The following SPARCL1 variants were observed in gnomAD, a reference collection of about 807,000 sequenced individuals.
The protein encoded by SPARCL1 is SPARC like 1.
Under a neutral mutation model 67.1 loss-of-function variants are expected in SPARCL1, and 52 were observed. That is an observed-to-expected ratio of 0.78 (90% CI 0.62 to 0.98). The LOEUF (loss-of-function observed/expected upper bound fraction) is 0.98. Among genes scored for constraint, SPARCL1 ranks in the 50% least tolerant of loss-of-function variants. The pLI, the probability that SPARCL1 is intolerant of heterozygous loss-of-function variation, is 0.00. For missense variants in SPARCL1, 717 were observed against 782.4 expected, an observed-to-expected ratio of 0.92 and a Z score of 1.00; for synonymous variants, 226 against 267.8, an observed-to-expected ratio of 0.84 and a Z score of 1.52.
At chr4:87,511,786 T>C (rs1327437721) in intron 1 of SPARCL1, among the ~76,000 whole-genome samples, 3 of 151,910 alleles carry the variant, frequency 2.0e-5, no homozygotes, top group East Asian at 1.9e-4. Context: ...CCTGCAGTGA[T>C]TGGAGAATGA....
chr4:87,522,331 C>A (rs1725850891), intron 1 of SPARCL1, among the ~76,000 whole-genome samples: 1 of 151,946 alleles, frequency 6.6e-6, no homozygotes, highest in South Asian at 2.1e-4. Context: ...AACCTACCAC[C>A]ATAAGAGTCT....
chr4:87,505,997 G>C (rs1031826526), intron 1 of SPARCL1, among the ~76,000 whole-genome samples: 2 of 152,220 alleles, frequency 1.3e-5, no homozygotes, highest in Admixed American at 6.5e-5. Context: ...GTTGTGGGGG[G>C]CTGTCCTGTG....
chr4:87,495,236 A>G, intron 2 of SPARCL1, 109 bp from the exon 3 acceptor site: 2 of 875,560 alleles, frequency 2.3e-6, no homozygotes, highest in South Asian at 1.6e-5. Context: ...CTTCATTTAT[A>G]CCAACAATTT....
At chr4:87,506,664 C>T (rs1175403539) in intron 1 of SPARCL1, among the ~76,000 whole-genome samples, 1 of 152,182 alleles carries the variant, frequency 6.6e-6, no homozygotes, top group Non-Finnish European at 1.5e-5. Flanking sequence ...GGTCTTCAGA[C>T]TTGAACGGGA....
At chr4:87,497,496 T>C (rs1724668873) in intron 2 of SPARCL1, among the ~76,000 whole-genome samples, 1 of 152,238 alleles carries the variant, frequency 6.6e-6, no homozygotes, top group Non-Finnish European at 1.5e-5. Flanking sequence ...CAATTGAAAT[T>C]ATGTTTTATC....
At position 87,507,229 on chromosome 4, in the gene SPARCL1, G is replaced by A. The variant is rs117176719; in HGVS notation, c.-11-7644C>T. ...TTCTTACAAATGGTACAACTTAAAA[G>A]GGGAGTAAGAATTATCAAACGTGTT... On this transcript the variant is annotated intron_variant, in intron 1 of 10. Coordinates refer to ENST00000282470, the MANE Select transcript of SPARCL1 (RefSeq NM_004684.6). 1.5e-4 allele frequency among the ~76,000 whole-genome samples: 23 copies of A among 152,280 alleles called. 1 individual carries two copies. The East Asian group carries it at 4.2e-3, about 28-fold the overall frequency.
intron 10 of SPARCL1, among the ~76,000 whole-genome samples, chr4:87,474,572 T>C (rs927849718): frequency 6.6e-6 from 1 of 152,204 alleles, no homozygotes; most frequent in African/African-American, 2.4e-5. Flanking sequence ...TCAAGATCTC[T>C]TCTGACCTTC....
chr4:87,525,379 T>C (rs993401207), intron 1 of SPARCL1, among the ~76,000 whole-genome samples: 2 of 152,238 alleles, frequency 1.3e-5, no homozygotes, highest in East Asian at 1.9e-4. Flanking sequence ...ACAGAATGGA[T>C]TAGATTAAAA....
intron 1 of SPARCL1, among the ~76,000 whole-genome samples, chr4:87,500,192 C>T (rs1158209819): frequency 6.6e-6 from 1 of 152,156 alleles, no homozygotes; most frequent in African/African-American, 2.4e-5. Flanking sequence ...ACCATCTGAC[C>T]TCTTAGCAAC....
intron 6 of SPARCL1, 87 bp from the exon 7 acceptor site, chr4:87,490,480 C>T: frequency 7.0e-7 from 1 of 1,432,908 alleles, no homozygotes; most frequent in Non-Finnish European, 9.4e-7. Context: ...ATGCTGATAA[C>T]AGCGCTGTGC....
At chr4:87,504,185 T>A (rs1008142600) in intron 1 of SPARCL1, among the ~76,000 whole-genome samples, 1 of 19,066 alleles carries the variant, frequency 5.2e-5, no homozygotes, top group Non-Finnish European at 8.6e-5. Context: ...GTGTGTGTGG[T>A]GGGGTGGGGG....
At chr4:87,477,475 A>G (rs1723628078) in intron 10 of SPARCL1, among the ~76,000 whole-genome samples, 1 of 152,204 alleles carries the variant, frequency 6.6e-6, no homozygotes, top group South Asian at 2.1e-4. Context: ...AGTGTGACCA[A>G]TAGAATGAGG....
Position 87,523,128 on chromosome 4 carries a change from G to T in SPARCL1, c.-12+5917C>A, listed in dbSNP as rs561971625. Among the ~76,000 whole-genome samples the T allele has an allele frequency of 2.0e-5, 3 of 152,192 alleles. No individual in the cohort carries two copies. In the East Asian group the frequency reaches 5.8e-4, roughly 29 times the overall value. On this transcript the variant is annotated intron_variant, in intron 1 of 10. Transcript: ENST00000282470. ...TACAAAAAATTAGCCAGGCGTGGTG[G>T]TGCACACCTGTAATCCTAGCCACTC...
intron 7 of SPARCL1, among the ~76,000 whole-genome samples, chr4:87,489,972 G>A (rs1356621316): frequency 6.6e-6 from 1 of 152,178 alleles, no homozygotes; most frequent in African/African-American, 2.4e-5. Context: ...ATTCAACTCT[G>A]TGATTAAGTG....
chr4:87,492,978 T>C (rs1724416915), intron 4 of SPARCL1, among the ~76,000 whole-genome samples: 2 of 152,252 alleles, frequency 1.3e-5, no homozygotes, highest in South Asian at 4.1e-4. Flanking sequence ...TGTTGGACAC[T>C]GGTGATTCAA....
At chr4:87,503,681 TC>T (rs753489665) in intron 1 of SPARCL1, among the ~76,000 whole-genome samples, 2,225 of 121,636 alleles carry the variant, frequency 0.018, 72 homozygotes, top group African/African-American at 0.078. Flanking sequence ...TTTTTTTTTT[TC>T]CTTTTTTTTT....
chr4:87,511,049 A>G (rs556819843), intron 1 of SPARCL1, among the ~76,000 whole-genome samples: 1 of 152,300 alleles, frequency 6.6e-6, no homozygotes, highest in African/African-American at 2.4e-5. Context: ...CGGGCTGAGT[A>G]AACAAGGCAC....
At chr4:87,506,807 A>ACC (rs1430530057) in intron 1 of SPARCL1, among the ~76,000 whole-genome samples, 1 of 150,648 alleles carries the variant, frequency 6.6e-6, no homozygotes, top group Non-Finnish European at 1.5e-5. Flanking sequence ...CTATCTATCT[A>ACC]TCTATCTATC....
At chr4:87,474,743 C>CTCTTT (rs759777270) in intron 10 of SPARCL1, among the ~76,000 whole-genome samples, 3 of 130,708 alleles carry the variant, frequency 2.3e-5, no homozygotes, top group South Asian at 4.7e-4. Context: ...CTCTCTCTCT[C>CTCTTT]TTTTTTTTTT....
Sources: gnomAD v4.1 joint callset for allele counts (sites outside exome capture counted in the v4.1 genomes callset) on GRCh38, gnomAD v4.1.1 for gene constraint, MANE v1.5 for transcripts, NCBI Gene and HGNC (gene_info 2026-07-23, HGNC 2026-07-21) for gene names.